The following PCGF3 variants were observed in gnomAD, a reference collection of about 807,000 sequenced individuals.
PCGF3 encodes the protein polycomb group ring finger 3.
In PCGF3, 7 loss-of-function variants were observed where a neutral mutation model predicts 33.1. The ratio of observed to expected loss-of-function variants is 0.21; its 90% CI spans 0.12 to 0.40. The LOEUF is 0.40. Among genes scored for constraint, PCGF3 ranks in the 10% least tolerant of loss-of-function variants. PCGF3 has a pLI of 1.00. For missense variants in PCGF3, 211 were observed against 313.3 expected (o/e 0.67, Z 2.46); for synonymous variants, 153 against 121.3 (o/e 1.26, Z -1.72).
At chr4:731,001 G>A in exon 3 of PCGF3, 1 of 398,612 alleles carries the variant, frequency 2.5e-6, no homozygotes. Context: ...CCGGAAGGAG[G>A]GTGCAGAAGC....
intron 1 of PCGF3, among the ~76,000 whole-genome samples, chr4:709,529 T>C (rs1347072038): frequency 2.0e-5 from 3 of 148,680 alleles, no homozygotes; most frequent in East Asian, 2.0e-4. Context: ...GTGAATGATG[T>C]ATGAACAAAT....
intron 7 of PCGF3, 95 bp from the exon 8 acceptor site, chr4:744,505 G>A (rs1744229018): frequency 1.1e-6 from 1 of 932,872 alleles, no homozygotes; most frequent in African/African-American, 1.7e-5. Context: ...TCTTAATGGA[G>A]TGAATTTTTG....
At chr4:733,156 G>A (rs962609076) in intron 3 of PCGF3, among the ~76,000 whole-genome samples, 2 of 150,562 alleles carry the variant, frequency 1.3e-5, no homozygotes, top group African/African-American at 2.5e-5. Context: ...CGTGGAAGCC[G>A]CGCCGGCCCC....
chr4:706,930 G>T (rs1015746747), intron 1 of PCGF3, among the ~76,000 whole-genome samples: 10 of 143,022 alleles, frequency 7.0e-5, no homozygotes, highest in Non-Finnish European at 1.5e-4. Flanking sequence ...CCAGGTGAGG[G>T]CAAAGACCCC....
chr4:743,627 T>C (rs1744189522), intron 7 of PCGF3, 43 bp downstream of exon 7: 2 of 1,139,410 alleles, frequency 1.8e-6, no homozygotes, highest in East Asian at 2.4e-5. Context: ...GGGAATCCCC[T>C]GCATGAGGCC....
chr4:711,506 G>A (rs913620413), intron 1 of PCGF3, among the ~76,000 whole-genome samples: 5 of 139,442 alleles, frequency 3.6e-5, no homozygotes, highest in African/African-American at 8.0e-5. Context: ...GCCGGACTGC[G>A]GACTGCAGTG....
At chr4:766,258 A>G in exon 11 of PCGF3, 2 of 589,900 alleles carry the variant, frequency 3.4e-6, no homozygotes, top group Non-Finnish European at 6.1e-6. Context: ...CCACGTTTAC[A>G]GAGGATGAAA....
Position 732,170 on chromosome 4 carries a change from T to C in PCGF3, c.-10+1060T>C, listed in dbSNP as rs1743598575. Among the ~76,000 whole-genome samples, 2 of 119,870 alleles carry C rather than the reference T, an allele frequency of 1.7e-5. 1 individual carries two copies. Among genetic ancestry groups the C allele is most frequent in the Non-Finnish European group, 3.5e-5 (2 of 57,520 alleles). 78.6% of individuals were successfully genotyped at this position (119,870 alleles called of 152,430 possible). On this transcript the variant is annotated intron_variant, in intron 3 of 10. Coordinates refer to ENST00000362003, the Ensembl canonical transcript of PCGF3. ...CCCCTCCCCTCGTGAGTGGGCGTGG[T>C]CCTCAGGTTGGTAAGGCGGGGCTCC...
Position 763,388 on chromosome 4 carries a change from C to T in PCGF3, c.601-1596C>T, listed in dbSNP as rs534113976. On this transcript the variant is annotated intron_variant, in intron 9 of 10. Transcript: ENST00000362003. ...CCTCCAGGGAAGAGTGTGAGGTTTG[C>T]GCTGCTGCTGCGTTAACCGTGCCTC... 2.0e-4 allele frequency among the ~76,000 whole-genome samples: 31 copies of T among 152,024 alleles called. 1 individual carries two copies. The highest frequency in any genetic ancestry group is 1.4e-3 in the Admixed American group (22 of 15,290).
chr4:737,607 G>A, intron 6 of PCGF3, 86 bp downstream of exon 6: 1 of 823,064 alleles, frequency 1.2e-6, no homozygotes. Flanking sequence ...GTTCTCGGAT[G>A]GGAGGCCCCT....
chr4:713,823 C>T (rs1742687012), intron 1 of PCGF3, among the ~76,000 whole-genome samples: 1 of 152,100 alleles, frequency 6.6e-6, no homozygotes, highest in Non-Finnish European at 1.5e-5. Flanking sequence ...GTGAGCCTGG[C>T]ACAGCAGAGG....
intron 1 of PCGF3, among the ~76,000 whole-genome samples, chr4:708,220 C>T (rs749427930): frequency 6.6e-6 from 1 of 152,072 alleles, no homozygotes; most frequent in Non-Finnish European, 1.5e-5. Context: ...CACTTAGGGT[C>T]GGGACACTGG....
chr4:769,886 CATGTGTTTGACTGTTTA>C (rs1455650941), exon 11 of PCGF3: 2 of 152,592 alleles, frequency 1.3e-5, no homozygotes, highest in East Asian at 1.9e-4. Flanking sequence ...CACGAAGATA[CATGTGTTTGACTGTTTA>C]ATTTGAAAGT....
At chr4:713,925 C>A (rs1577394504) in intron 1 of PCGF3, among the ~76,000 whole-genome samples, 1 of 152,086 alleles carries the variant, frequency 6.6e-6, no homozygotes, top group African/African-American at 2.4e-5. Context: ...TACTTTTTTA[C>A]CCAAGTTTTT....
intron 1 of PCGF3, among the ~76,000 whole-genome samples, chr4:723,381 T>G (rs1577403683): frequency 1.3e-5 from 2 of 148,542 alleles, no homozygotes; most frequent in Admixed American, 6.7e-5. Flanking sequence ...AGGAGGGAGG[T>G]GGAAAAAGAT....
At chr4:731,208 G>T in intron 3 of PCGF3, 98 bp downstream of exon 3, 1 of 398,448 alleles carries the variant, frequency 2.5e-6, no homozygotes, top group Non-Finnish European at 4.4e-6. Flanking sequence ...GGAGCCAGCT[G>T]GTCAGGACAC....
At chr4:758,428 C>G (rs1744877717) in intron 8 of PCGF3, among the ~76,000 whole-genome samples, 1 of 144,596 alleles carries the variant, frequency 6.9e-6, no homozygotes, top group Non-Finnish European at 1.5e-5. Flanking sequence ...CCGCGCGGCC[C>G]CTCTCCCGAG....
intron 8 of PCGF3, among the ~76,000 whole-genome samples, chr4:748,948 G>T (rs1185089908): frequency 2.6e-5 from 4 of 152,142 alleles, no homozygotes; most frequent in African/African-American, 9.7e-5. Flanking sequence ...AGGGGTGCAG[G>T]CTGCTGCTCC....
chr4:727,343 C>T (rs369268141), intron 1 of PCGF3, among the ~76,000 whole-genome samples: 42 of 144,082 alleles, frequency 2.9e-4, no homozygotes, highest in East Asian at 1.7e-3. Context: ...CGGGTTCAGG[C>T]GATTCTCCTG....
Sources: gnomAD v4.1 joint callset for allele counts (sites outside exome capture counted in the v4.1 genomes callset) on GRCh38, gnomAD v4.1.1 for gene constraint, MANE v1.5 for transcripts, NCBI Gene and HGNC (gene_info 2026-07-23, HGNC 2026-07-21) for gene names.